Variants in ZNF385D observed in about 807,000 individuals in gnomAD.
ZNF385D encodes the protein zinc finger protein 385D, also known as zinc finger protein 659.
In ZNF385D, 15 loss-of-function variants were observed where a neutral mutation model predicts 35.8. The observed-to-expected ratio is 0.42, with a 90% confidence interval of 0.28 to 0.64. ZNF385D has a LOEUF of 0.64. Ranked by LOEUF, ZNF385D falls within the 30% of genes least tolerant of loss-of-function variation. ZNF385D has a pLI of 0.23. For missense variants in ZNF385D, 474 were observed against 494.6 expected (o/e 0.96, Z 0.39); for synonymous variants, 212 against 186.8 (o/e 1.13, Z -1.10).
chr3:21,832,650 G>T (rs941257821), intron 3 of ZNF385D, among the ~76,000 whole-genome samples: 3 of 152,140 alleles, frequency 2.0e-5, no homozygotes, highest in African/African-American at 7.2e-5. Flanking sequence ...TCTTGGATCA[G>T]TTCAATGACA....
chr3:21,451,990 T>C (rs1017994609), intron 4 of ZNF385D, among the ~76,000 whole-genome samples: 4 of 152,074 alleles, frequency 2.6e-5, no homozygotes, highest in Non-Finnish European at 5.9e-5. Flanking sequence ...AGCAATTATA[T>C]ATTTTTTATT....
chr3:21,728,459 T>A (rs959771533), intron 1 of ZNF385D, among the ~76,000 whole-genome samples: 2 of 152,072 alleles, frequency 1.3e-5, no homozygotes, highest in African/African-American at 4.8e-5. Context: ...ATATCCACTT[T>A]TAAAGAAACA....
chr3:22,009,630 AAAAT>A (rs1385305710), intron 3 of ZNF385D, among the ~76,000 whole-genome samples: 1,549 of 62,302 alleles, frequency 0.025, 14 homozygotes, highest in Non-Finnish European at 0.03. Flanking sequence ...CTCAAAAAAA[AAAAT>A]AAAAAAAAAA....
chr3:21,936,568 TTA>T (rs1251704167), intron 3 of ZNF385D, among the ~76,000 whole-genome samples: 2 of 152,082 alleles, frequency 1.3e-5, no homozygotes, highest in Non-Finnish European at 2.9e-5. Flanking sequence ...TAATTTATAA[TTA>T]TATACTCATT....
chr3:21,905,667 T>A (rs1316205669), intron 3 of ZNF385D, among the ~76,000 whole-genome samples: 1 of 145,878 alleles, frequency 6.9e-6, no homozygotes, highest in Non-Finnish European at 1.5e-5. Context: ...TGGTCAAAGG[T>A]TATTCAAGGA....
At chr3:21,983,161 TTTA>T (rs1422785095) in intron 3 of ZNF385D, among the ~76,000 whole-genome samples, 3 of 64,168 alleles carry the variant, frequency 4.7e-5, no homozygotes, top group African/African-American at 1.9e-4. Context: ...TTTATTTTAT[TTTA>T]TTATTTTTTT....
At chr3:21,943,596 A>G (rs1174358346) in intron 3 of ZNF385D, among the ~76,000 whole-genome samples, 2 of 152,078 alleles carry the variant, frequency 1.3e-5, no homozygotes, top group African/African-American at 4.8e-5. Flanking sequence ...TCAACAAATT[A>G]TATATACTAC....
At chr3:22,162,015 A>G (rs908155506) in intron 3 of ZNF385D, among the ~76,000 whole-genome samples, 1 of 152,170 alleles carries the variant, frequency 6.6e-6, no homozygotes, top group African/African-American at 2.4e-5. Context: ...AAGACTTTGT[A>G]AGACTGTTGA....
At chr3:22,241,308 G>A (rs1486155426) in intron 2 of ZNF385D, among the ~76,000 whole-genome samples, 1 of 151,002 alleles carries the variant, frequency 6.6e-6, no homozygotes, top group Middle Eastern at 3.2e-3. Context: ...AACCTACAGA[G>A]GACAGTGTTC....
intron 3 of ZNF385D, among the ~76,000 whole-genome samples, chr3:22,020,527 A>T (rs979966003): frequency 1.3e-5 from 2 of 151,964 alleles, no homozygotes; most frequent in African/African-American, 4.8e-5. Context: ...ATATGAAAAA[A>T]ATGTACATCA....
intron 3 of ZNF385D, among the ~76,000 whole-genome samples, chr3:21,838,954 G>A (rs560869403): frequency 2.0e-5 from 3 of 152,028 alleles, no homozygotes; most frequent in Admixed American, 6.6e-5. Context: ...TTTTTCTGTC[G>A]ATGCTTACAG....
chr3:22,178,836 T>C (rs1200281202), intron 2 of ZNF385D, among the ~76,000 whole-genome samples: 3 of 152,236 alleles, frequency 2.0e-5, no homozygotes, highest in East Asian at 3.8e-4. Context: ...ATTTATTAAA[T>C]AGGGAAACCT....
intron 3 of ZNF385D, among the ~76,000 whole-genome samples, chr3:21,901,993 G>T (rs557571932): frequency 3.9e-5 from 6 of 152,046 alleles, no homozygotes; most frequent in African/African-American, 1.4e-4. Flanking sequence ...CTGTCCATTG[G>T]GTGATAAGCT....
intron 3 of ZNF385D, among the ~76,000 whole-genome samples, chr3:22,000,606 G>GGA (rs1553716864): frequency 1.7e-5 from 2 of 119,794 alleles, no homozygotes; most frequent in Admixed American, 7.7e-5. Flanking sequence ...CTTTCACTTT[G>GGA]AAAAAAAAAT....
At chr3:21,657,559 A>G (rs375442481) in intron 2 of ZNF385D, among the ~76,000 whole-genome samples, 17 of 152,112 alleles carry the variant, frequency 1.1e-4, no homozygotes, top group African/African-American at 3.8e-4. Context: ...GACACAGTTA[A>G]TGAACAGAAC....
intron 3 of ZNF385D, among the ~76,000 whole-genome samples, chr3:21,894,482 T>A (rs1699033192): frequency 6.6e-6 from 1 of 152,164 alleles, no homozygotes; most frequent in Non-Finnish European, 1.5e-5. Context: ...TTTTGCAATA[T>A]GATTTATCTT....
chr3:21,730,107 GAC>G (rs1286360453), intron 1 of ZNF385D, among the ~76,000 whole-genome samples: 1 of 152,214 alleles, frequency 6.6e-6, no homozygotes, highest in African/African-American at 2.4e-5. Context: ...CGAAGAGACA[GAC>G]ACACGCATCC....
chr3:21,443,551 C>A (rs1559451900), intron 4 of ZNF385D, among the ~76,000 whole-genome samples: 3 of 152,040 alleles, frequency 2.0e-5, no homozygotes, highest in Admixed American at 2.0e-4. Context: ...AATGAATTCA[C>A]TCTCCTTGAG....
At chr3:21,979,119 G>A (rs1222389258) in intron 3 of ZNF385D, among the ~76,000 whole-genome samples, 1 of 151,966 alleles carries the variant, frequency 6.6e-6, no homozygotes, top group Non-Finnish European at 1.5e-5. Flanking sequence ...TGGTGACCCT[G>A]ACCAAATGAT....
Sources: gnomAD v4.1 joint callset for allele counts (sites outside exome capture counted in the v4.1 genomes callset) on GRCh38, gnomAD v4.1.1 for gene constraint, MANE v1.5 for transcripts, NCBI Gene and HGNC (gene_info 2026-07-23, HGNC 2026-07-21) for gene names.